LRRC37A2: variants seen among roughly 807,000 people sequenced by gnomAD.
LRRC37A2 encodes leucine-rich repeat-containing protein 37A2.
Under a neutral mutation model 68.8 loss-of-function variants are expected in LRRC37A2, and 9 were observed. The ratio of observed to expected loss-of-function variants is 0.13; its 90% CI spans 0.08 to 0.23. LRRC37A2 has a LOEUF of 0.23. Ranked by LOEUF, LRRC37A2 falls within the 10% of genes least tolerant of loss-of-function variation. The pLI is 1.00. For missense variants in LRRC37A2, 168 were observed against 950.4 expected (o/e 0.18, Z 10.82); for synonymous variants, 63 against 367.6 (o/e 0.17, Z 9.48).
chr17:46,788,316 A>AAGTC, the LRRC37A2 span, among the ~76,000 whole-genome samples: 1 of 152,184 alleles, frequency 6.6e-6, no homozygotes, highest in African/African-American at 2.4e-5. Flanking sequence ...TCCAAACCCT[A>AAGTC]AGTCAGTCTC....
chr17:46,712,612 A>T, the LRRC37A2 span, among the ~76,000 whole-genome samples: 1 of 152,202 alleles, frequency 6.6e-6, no homozygotes, highest in Non-Finnish European at 1.5e-5. Flanking sequence ...AGCCTGTTGG[A>T]TATGTGGGTC....
chr17:46,676,418 G>A, the LRRC37A2 span, among the ~76,000 whole-genome samples: 1 of 137,292 alleles, frequency 7.3e-6, no homozygotes, highest in African/African-American at 2.9e-5. Context: ...TTTTACTAGA[G>A]ATGGAGTTTC....
the LRRC37A2 span, among the ~76,000 whole-genome samples, chr17:46,861,919 T>C: frequency 6.6e-6 from 1 of 152,062 alleles, no homozygotes; most frequent in Non-Finnish European, 1.5e-5. Context: ...ATCCCAGCAC[T>C]TTGGGAGGCT....
the LRRC37A2 span, among the ~76,000 whole-genome samples, chr17:46,901,803 A>ATTT: frequency 0.027 from 3,412 of 128,070 alleles, 91 homozygotes; most frequent in Middle Eastern, 0.07. Context: ...TGGAGCAAGA[A>ATTT]TTTTTTTTTT....
chr17:46,942,105 C>A, the LRRC37A2 span: 1 of 250,286 alleles, frequency 4.0e-6, no homozygotes, highest in Non-Finnish European at 6.3e-6. Flanking sequence ...CAAATCAAGT[C>A]AGTGTAGAAT....
the LRRC37A2 span, chr17:46,830,684 A>T: frequency 2.5e-6 from 1 of 398,656 alleles, no homozygotes. Context: ...CAAAGGTTGG[A>T]CTTTTGGGAG....
At chr17:46,818,749 C>T in the LRRC37A2 span, 1 of 767,662 alleles carries the variant, frequency 1.3e-6, no homozygotes, top group Non-Finnish European at 2.2e-6. Context: ...CTCCCGAGCC[C>T]AGCGCGGAGC....
At chr17:46,918,669 G>A in the LRRC37A2 span, among the ~76,000 whole-genome samples, 3 of 150,774 alleles carry the variant, frequency 2.0e-5, no homozygotes, top group African/African-American at 7.3e-5. Flanking sequence ...ACTCACCAAT[G>A]AAGTACTAAT....
chr17:46,725,041 G>A, the LRRC37A2 span, among the ~76,000 whole-genome samples: 1 of 151,958 alleles, frequency 6.6e-6, no homozygotes, highest in Non-Finnish European at 1.5e-5. Context: ...AATGATATGA[G>A]GATACAGAGG....
At chr17:46,945,769 G>A in the LRRC37A2 span, among the ~76,000 whole-genome samples, 1 of 152,272 alleles carries the variant, frequency 6.6e-6, no homozygotes, top group African/African-American at 2.4e-5. Context: ...AGAAGCTCAG[G>A]GAGTGGGGAC....
chr17:46,742,112 T>G, the LRRC37A2 span, among the ~76,000 whole-genome samples: 2 of 152,234 alleles, frequency 1.3e-5, no homozygotes, highest in African/African-American at 4.8e-5. Context: ...TTATCTTTCC[T>G]CTGCTAGAGA....
the LRRC37A2 span, among the ~76,000 whole-genome samples, chr17:46,392,419 C>CTCTCTCTCTT: frequency 5.4e-5 from 3 of 55,846 alleles, no homozygotes; most frequent in African/African-American, 1.8e-4. Context: ...TTCTCTCTCT[C>CTCTCTCTCTT]TCTTTCTTTC....
intron 8 of LRRC37A2, among the ~76,000 whole-genome samples, chr17:46,544,514 T>G (rs1398538273): frequency 1.0e-4 from 1 of 10,020 alleles, no homozygotes; most frequent in Non-Finnish European, 1.5e-4. Flanking sequence ...TTTCAGGTAT[T>G]GATTCATTTG....
At chr17:46,886,944 G>A in the LRRC37A2 span, among the ~76,000 whole-genome samples, 2 of 152,132 alleles carry the variant, frequency 1.3e-5, no homozygotes, top group African/African-American at 4.8e-5. Context: ...AGCCTCCCGA[G>A]TAGCTGGGAT....
chr17:47,041,469 T>C, the LRRC37A2 span, among the ~76,000 whole-genome samples: 8 of 106,632 alleles, frequency 7.5e-5, no homozygotes, highest in Non-Finnish European at 1.5e-4. Flanking sequence ...TTTTTTTTTT[T>C]TTTTTTGAGA....
the LRRC37A2 span, among the ~76,000 whole-genome samples, chr17:46,855,973 G>A: frequency 6.6e-6 from 1 of 152,196 alleles, no homozygotes; most frequent in Non-Finnish European, 1.5e-5. Flanking sequence ...ATAGGTGTGT[G>A]CCACCATGCC....
the LRRC37A2 span, among the ~76,000 whole-genome samples, chr17:46,920,249 C>T: frequency 7.2e-5 from 11 of 152,236 alleles, no homozygotes; most frequent in African/African-American, 7.2e-5. Flanking sequence ...GCCCTTCCCA[C>T]GGAAATGGTA....
the LRRC37A2 span, among the ~76,000 whole-genome samples, chr17:47,026,299 A>G: frequency 6.6e-6 from 1 of 152,102 alleles, no homozygotes; most frequent in Non-Finnish European, 1.5e-5. Flanking sequence ...AGAGTACAAG[A>G]AGGGAGAGTA....
chr17:46,924,693 A>G, the LRRC37A2 span, among the ~76,000 whole-genome samples: 1 of 152,218 alleles, frequency 6.6e-6, no homozygotes, highest in Non-Finnish European at 1.5e-5. Flanking sequence ...CTACTTTGTA[A>G]TGACAGAATT....
Sources: gnomAD v4.1 joint callset for allele counts (sites outside exome capture counted in the v4.1 genomes callset) on GRCh38, gnomAD v4.1.1 for gene constraint, MANE v1.5 for transcripts, NCBI Gene and HGNC (gene_info 2026-07-23, HGNC 2026-07-21) for gene names.